The following GHR variants were observed in gnomAD, a reference collection of about 807,000 sequenced individuals.
GHR encodes GH receptor.
A neutral mutation model predicts 67.1 loss-of-function variants in GHR; 35 were observed. That is an observed-to-expected ratio of 0.52 (90% CI 0.40 to 0.69). GHR has a LOEUF of 0.69. Among genes scored for constraint, GHR ranks in the 30% least tolerant of loss-of-function variants. The probability of loss-of-function intolerance (pLI) is 0.00; values close to 1 mark genes in which losing one functional copy is unlikely to be tolerated. For missense variants in GHR, 792 were observed against 764.6 expected (o/e 1.04, Z -0.42); for synonymous variants, 272 against 269.1 (o/e 1.01, Z -0.10).
intron 5 of GHR, among the ~76,000 whole-genome samples, chr5:42,696,253 ACAGT>A (rs1259699584): frequency 6.6e-6 from 1 of 152,224 alleles, no homozygotes; most frequent in African/African-American, 2.4e-5. Context: ...TAAGTACAAT[ACAGT>A]CAAAGAGGGA....
At chr5:42,449,746 T>G (rs1487514822) in intron 1 of GHR, among the ~76,000 whole-genome samples, 1 of 152,162 alleles carries the variant, frequency 6.6e-6, no homozygotes, top group African/African-American at 2.4e-5. Context: ...AACTTTTCCC[T>G]ATTCAGTACA....
At chr5:42,489,819 G>A (rs546894950) in intron 1 of GHR, among the ~76,000 whole-genome samples, 2 of 152,018 alleles carry the variant, frequency 1.3e-5, no homozygotes, top group South Asian at 2.1e-4. Flanking sequence ...TTTTAAAAAA[G>A]GTAAAGTCAT....
At chr5:42,670,081 A>G (rs1380121838) in intron 3 of GHR, among the ~76,000 whole-genome samples, 1 of 152,256 alleles carries the variant, frequency 6.6e-6, no homozygotes, top group Non-Finnish European at 1.5e-5. Context: ...TTGACCAAAA[A>G]GAGCAATGCT....
At chr5:42,651,509 A>G (rs1256870718) in intron 3 of GHR, among the ~76,000 whole-genome samples, 23 of 152,180 alleles carry the variant, frequency 1.5e-4, no homozygotes, top group Admixed American at 1.5e-3. Flanking sequence ...TCTCAGCCAT[A>G]CCATAGTATA....
Position 42,445,393 on chromosome 5 carries a change from G to T in GHR, c.-12+21438G>T, listed in dbSNP as rs1049298766. Among the ~76,000 whole-genome samples the T allele has an allele frequency of 9.9e-5, 15 of 152,264 alleles. No individual in the cohort carries two copies. The East Asian group carries it at 2.9e-3, about 29-fold the overall frequency. On this transcript the variant is annotated intron_variant, in intron 1 of 9. Coordinates refer to ENST00000230882, the MANE Select transcript of GHR (RefSeq NM_000163.5). The stretch of plus-strand genomic sequence containing the variant: ...GAGTCAGATTTATTGATGGAATTGT[G>T]CCACCATCAAGTCCTAAAGCATTAG...
intron 1 of GHR, among the ~76,000 whole-genome samples, chr5:42,508,549 A>C (rs1219511767): frequency 6.6e-6 from 1 of 152,104 alleles, no homozygotes; most frequent in Non-Finnish European, 1.5e-5. Flanking sequence ...TACACATTGC[A>C]CCTATCTCCC....
chr5:42,562,241 G>A (rs891882821), intron 1 of GHR, among the ~76,000 whole-genome samples: 14 of 152,106 alleles, frequency 9.2e-5, no homozygotes, highest in South Asian at 2.1e-4. Context: ...GTCACGTCTC[G>A]TGGCCTGGCT....
intron 2 of GHR, among the ~76,000 whole-genome samples, chr5:42,566,861 C>T (rs1579953298): frequency 6.6e-6 from 1 of 152,084 alleles, no homozygotes; most frequent in East Asian, 1.9e-4. Flanking sequence ...CTTAAGATGT[C>T]CTCCCTGACC....
intron 2 of GHR, among the ~76,000 whole-genome samples, chr5:42,606,750 T>C (rs1485555540): frequency 6.6e-6 from 1 of 152,142 alleles, no homozygotes; most frequent in Non-Finnish European, 1.5e-5. Flanking sequence ...AGAACTTTAA[T>C]CCTTGGGCAG....
At chr5:42,458,443 T>G (rs1278723922) in intron 1 of GHR, among the ~76,000 whole-genome samples, 1 of 150,840 alleles carries the variant, frequency 6.6e-6, no homozygotes, top group Non-Finnish European at 1.5e-5. Context: ...AGATTGAAGC[T>G]GGACCCCTCC....
intron 3 of GHR, among the ~76,000 whole-genome samples, chr5:42,653,628 C>T (rs139680362): frequency 3.9e-5 from 6 of 152,080 alleles, no homozygotes; most frequent in African/African-American, 9.7e-5. Flanking sequence ...TTAATAATTA[C>T]GGAATGGTAA....
At chr5:42,572,740 G>A (rs544803222) in intron 2 of GHR, among the ~76,000 whole-genome samples, 4 of 152,246 alleles carry the variant, frequency 2.6e-5, no homozygotes, top group South Asian at 2.1e-4. Flanking sequence ...CACAGTGTAC[G>A]CATCACATTT....
chr5:42,442,872 C>A (rs1190297914), intron 1 of GHR, among the ~76,000 whole-genome samples: 1 of 152,164 alleles, frequency 6.6e-6, no homozygotes, highest in East Asian at 1.9e-4. Flanking sequence ...AAGTCAAATT[C>A]ACGGACCTTC....
chr5:42,646,278 C>A, intron 3 of GHR: 1 of 445,010 alleles, frequency 2.2e-6, no homozygotes, highest in South Asian at 1.6e-5. Context: ...ACAAATGAAC[C>A]CTGCAAATTG....
chr5:42,531,611 T>C (rs1046848552), intron 1 of GHR, among the ~76,000 whole-genome samples: 1 of 152,084 alleles, frequency 6.6e-6, no homozygotes, highest in African/African-American at 2.4e-5. Context: ...CCCTGGATTG[T>C]TGTGTTCTAC....
Position 42,699,908 on chromosome 5 carries a change from G to T in GHR, c.524G>T (p.Trp175Leu). Residue 175 changes from tryptophan (W) to leucine (L), a missense_variant, in exon 6 of 10, where the codon TGG becomes TTG. Trp to Leu is a moderately conservative substitution (Grantham distance 61). Coordinates refer to ENST00000230882, the MANE Select transcript of GHR (RefSeq NM_000163.5). ...TGIHADIQVRWEAPRNADIQK... is the reference protein window; with the variant it reads ...TGIHADIQVRLEAPRNADIQK... ...ATTCATGCAGATATCCAAGTGAGAT[G>T]GGAAGCACCACGCAATGCAGATATT... 1 of 1,599,422 alleles carries T rather than the reference G, an allele frequency of 6.3e-7. No homozygotes were observed. Among genetic ancestry groups the T allele is most frequent in the Non-Finnish European group, 8.6e-7 (1 of 1,166,572 alleles).
intron 3 of GHR, among the ~76,000 whole-genome samples, chr5:42,681,068 A>G (rs1345949665): frequency 6.6e-6 from 1 of 152,160 alleles, no homozygotes; most frequent in African/African-American, 2.4e-5. Context: ...CTTCATGACT[A>G]AAACACCAAA....
chr5:42,572,116 C>T (rs556105796), intron 2 of GHR, among the ~76,000 whole-genome samples: 127 of 152,306 alleles, frequency 8.3e-4, no homozygotes, highest in African/African-American at 2.9e-3. Context: ...CACTGTGCAT[C>T]GAAGTCAATG....
At chr5:42,597,623 T>C (rs188027347) in intron 2 of GHR, among the ~76,000 whole-genome samples, 4 of 152,308 alleles carry the variant, frequency 2.6e-5, no homozygotes, top group Non-Finnish European at 5.9e-5. Context: ...ATTATCAGCC[T>C]GAAGGCAGGC....
Sources: allele counts gnomAD v4.1 joint callset (sites outside exome capture counted in the v4.1 genomes callset), GRCh38; gene constraint gnomAD v4.1.1; transcripts MANE v1.5; gene names NCBI Gene and HGNC (gene_info 2026-07-23, HGNC 2026-07-21).